The following MCC variants were observed in gnomAD, a reference collection of about 807,000 sequenced individuals.
The protein encoded by MCC is colorectal mutant cancer protein.
Under a neutral mutation model 116.2 loss-of-function variants are expected in MCC, and 90 were observed. That is an observed-to-expected ratio of 0.77 (90% CI 0.65 to 0.92). The LOEUF is 0.92. Among genes scored for constraint, MCC ranks in the 40% least tolerant of loss-of-function variants. The pLI, the probability that MCC is intolerant of heterozygous loss-of-function variation, is 0.00. For missense variants in MCC, 1,516 were observed against 1,312.2 expected (o/e 1.16, Z -2.40); for synonymous variants, 578 against 510.5 (o/e 1.13, Z -1.78).
At chr5:113,261,222 T>C (rs2150348517) in intron 3 of MCC, among the ~76,000 whole-genome samples, 1 of 152,300 alleles carries the variant, frequency 6.6e-6, no homozygotes. Context: ...GGCAACATCA[T>C]CTAACACAAA....
chr5:113,466,972 T>C (rs1771927424), intron 1 of MCC, among the ~76,000 whole-genome samples: 1 of 152,244 alleles, frequency 6.6e-6, no homozygotes, highest in African/African-American at 2.4e-5. Context: ...TTTGGCTGCA[T>C]AAATGTCTTC....
intron 15 of MCC, among the ~76,000 whole-genome samples, chr5:113,052,691 T>C (rs961945088): frequency 3.9e-5 from 6 of 152,128 alleles, no homozygotes; most frequent in African/African-American, 1.4e-4. Flanking sequence ...CTGATCCTAA[T>C]AGGAGCCATT....
chr5:113,106,414 T>G (rs942389054), intron 6 of MCC, among the ~76,000 whole-genome samples: 11 of 152,012 alleles, frequency 7.2e-5, no homozygotes, highest in African/African-American at 1.7e-4. Context: ...TCATTCACTA[T>G]GCTCCATTCA....
At chr5:113,186,559 G>A (rs1445978065) in intron 3 of MCC, among the ~76,000 whole-genome samples, 3 of 152,136 alleles carry the variant, frequency 2.0e-5, no homozygotes, top group African/African-American at 7.2e-5. Context: ...TGCCCTGCCT[G>A]GCACTTGAGT....
chr5:113,313,835 G>A (rs1022031012), intron 3 of MCC, among the ~76,000 whole-genome samples: 4 of 151,618 alleles, frequency 2.6e-5, no homozygotes, highest in Non-Finnish European at 5.9e-5. Context: ...TTGTTTGTTT[G>A]TTTCAGACAG....
chr5:113,123,189 C>G (rs1003492419), intron 5 of MCC, among the ~76,000 whole-genome samples: 1 of 152,210 alleles, frequency 6.6e-6, no homozygotes, highest in African/African-American at 2.4e-5. Context: ...AACCAAATAA[C>G]TAAGAGTCTA....
chr5:113,263,954 G>T (rs190747009), intron 3 of MCC, among the ~76,000 whole-genome samples: 1 of 151,648 alleles, frequency 6.6e-6, no homozygotes, highest in African/African-American at 2.4e-5. Context: ...AAAAACACGT[G>T]GTCAGATTGG....
chr5:113,202,818 T>C (rs1408422149), intron 3 of MCC, among the ~76,000 whole-genome samples: 1 of 147,060 alleles, frequency 6.8e-6, no homozygotes, highest in East Asian at 2.0e-4. Flanking sequence ...TTTCTAGGGG[T>C]ATAGAAGCTT....
At chr5:113,363,265 G>C (rs1365235354) in intron 2 of MCC, among the ~76,000 whole-genome samples, 4 of 152,188 alleles carry the variant, frequency 2.6e-5, no homozygotes, top group African/African-American at 7.2e-5. Flanking sequence ...GACAGAGCGA[G>C]ACTCCGTCTC....
intron 3 of MCC, among the ~76,000 whole-genome samples, chr5:113,292,537 C>G (rs1252252239): frequency 1.3e-5 from 2 of 152,110 alleles, no homozygotes; most frequent in African/African-American, 2.4e-5. Flanking sequence ...CATTTGCCTA[C>G]AAGCTTTATA....
chr5:113,384,978 G>A lies in MCC; in HGVS notation c.405C>T (p.Asp135=). 7 of 1,614,172 alleles carry A rather than the reference G, an allele frequency of 4.3e-6. No individual in the cohort carries two copies. The highest frequency in any genetic ancestry group is 5.9e-6 in the Non-Finnish European group (7 of 1,180,032). Reference sequence around the variant, plus strand: ...CCTGGTTATACCTACCCAAACTGTTGTCACTGCTCGTGGGCCAGGAAGCAA... The same window carrying A: ...CCTGGTTATACCTACCCAAACTGTTATCACTGCTCGTGGGCCAGGAAGCAA... ...DRIASWPTSS[D]NSLGALSAAR... is the part of the protein sequence containing the mutation. Residue 135 remains aspartate, a synonymous_variant, in exon 2 of 19, where the codon GAC becomes GAT. Coordinates refer to ENST00000408903, the MANE Select transcript of MCC (RefSeq NM_001085377.2).
At chr5:113,384,117 A>G (rs1769189631) in intron 2 of MCC, among the ~76,000 whole-genome samples, 2 of 152,204 alleles carry the variant, frequency 1.3e-5, no homozygotes, top group African/African-American at 2.4e-5. Flanking sequence ...AAAAATATGT[A>G]TAACTGAGTA....
chr5:113,179,330 C>A (rs1761495089), intron 3 of MCC, among the ~76,000 whole-genome samples: 1 of 152,174 alleles, frequency 6.6e-6, no homozygotes, highest in Non-Finnish European at 1.5e-5. Flanking sequence ...CTGCTTTAAT[C>A]CATTTGCAGC....
In MCC at chr5:113,177,628, A is replaced by G. The variant is rs138000306; in HGVS notation, c.628-26206T>C. The stretch of plus-strand genomic sequence containing the variant: ...TACATTTTGCCATTAAAGCCATTTC[A>G]CATAAAGACATTATACCAAAAAACA... On this transcript the variant is annotated intron_variant, in intron 3 of 18. Transcript: ENST00000408903. Among the ~76,000 whole-genome samples, 120 of 152,328 alleles carry G rather than the reference A, an allele frequency of 7.9e-4. 1 individual carries two copies. The East Asian group carries it at 0.019, about 24-fold the overall frequency.
At chr5:113,067,655 AAAC>A (rs1403303907) in intron 13 of MCC, among the ~76,000 whole-genome samples, 2 of 152,228 alleles carry the variant, frequency 1.3e-5, no homozygotes, top group African/African-American at 2.4e-5. Context: ...CAAACAAAAA[AAAC>A]AACTACTACT....
intron 3 of MCC, among the ~76,000 whole-genome samples, chr5:113,172,917 T>C (rs1761146933): frequency 1.3e-5 from 2 of 152,222 alleles, no homozygotes; most frequent in Non-Finnish European, 2.9e-5. Flanking sequence ...GTCTTCATTT[T>C]CTTGATTATT....
intron 16 of MCC, among the ~76,000 whole-genome samples, chr5:113,046,922 C>G (rs1752131244): frequency 6.6e-6 from 1 of 152,062 alleles, no homozygotes; most frequent in South Asian, 2.1e-4. Context: ...GCTGAGGACC[C>G]TTCCATGATT....
At chr5:113,433,941 G>T (rs952474850) in intron 1 of MCC, 1 of 1,613,888 alleles carries the variant, frequency 6.2e-7, no homozygotes, top group African/African-American at 1.3e-5. Context: ...GCCAGGTTCG[G>T]GGGTCCACAA....
At chr5:113,134,784 C>T (rs1758705791) in intron 5 of MCC, among the ~76,000 whole-genome samples, 1 of 151,500 alleles carries the variant, frequency 6.6e-6, no homozygotes, top group Non-Finnish European at 1.5e-5. Context: ...ATAAATAACT[C>T]CCACAAGCTT....
Sources: allele counts gnomAD v4.1 joint callset (sites outside exome capture counted in the v4.1 genomes callset), GRCh38; gene constraint gnomAD v4.1.1; transcripts MANE v1.5; gene names NCBI Gene and HGNC (gene_info 2026-07-23, HGNC 2026-07-21).